Variants in PRKDC observed in about 807,000 individuals in gnomAD.
PRKDC encodes DNA-dependent protein kinase catalytic subunit.
Under a neutral mutation model 486.9 loss-of-function variants are expected in PRKDC, and 82 were observed. The ratio of observed to expected loss-of-function variants is 0.17; its 90% CI spans 0.14 to 0.20. The LOEUF (loss-of-function observed/expected upper bound fraction) is 0.20. Ranked by LOEUF, PRKDC falls within the 10% of genes least tolerant of loss-of-function variation. PRKDC has a pLI of 1.00. For synonymous variants in PRKDC, 1,895 were observed against 1,837.0 expected (o/e 1.03, Z -0.81); for missense variants, 4,504 against 5,038.2 (o/e 0.89, Z 3.21).
rs376815989 is a variant in PRKDC at position 47,956,310 on chromosome 8, C to T, written c.325-362G>A. On this transcript the variant is annotated intron_variant, in intron 3 of 85. Coordinates refer to ENST00000314191, the MANE Select transcript of PRKDC (RefSeq NM_006904.7). ...CCGGGAGACGGAGGTTGCAGTGAGCCAAGACTGTGCCACTGCACTCCAGCC... is the reference window on the plus strand; with the variant it reads ...CCGGGAGACGGAGGTTGCAGTGAGCTAAGACTGTGCCACTGCACTCCAGCC... 9.9e-5 allele frequency among the ~76,000 whole-genome samples: 15 copies of T among 152,168 alleles called. 1 individual carries two copies. Among genetic ancestry groups the T allele is most frequent in the African/African-American group, 3.6e-4 (15 of 41,506 alleles).
At chr8:47,959,678 CA>C (rs999049740) in intron 1 of PRKDC, among the ~76,000 whole-genome samples, 312 of 135,004 alleles carry the variant, frequency 2.3e-3, no homozygotes, top group East Asian at 0.013. Context: ...GACTCCGTCT[CA>C]AAAAAAAAAA....
intron 25 of PRKDC, among the ~76,000 whole-genome samples, chr8:47,909,886 G>A (rs2089864028): frequency 6.6e-6 from 1 of 152,130 alleles, no homozygotes; most frequent in South Asian, 2.1e-4. Context: ...CCTGTTTCCT[G>A]TTAAGATGTT....
chr8:47,952,785 C>A (rs1004107006), intron 7 of PRKDC, among the ~76,000 whole-genome samples: 3 of 152,082 alleles, frequency 2.0e-5, no homozygotes, highest in African/African-American at 7.2e-5. Flanking sequence ...AGGCGGATCA[C>A]CAGAGCCCAT....
At position 47,875,901 on chromosome 8, in the gene PRKDC, T is replaced by C. The variant is rs1288525325; in HGVS notation, c.5363+1823A>G. 2.0e-5 allele frequency among the ~76,000 whole-genome samples: 3 copies of C among 152,338 alleles called. No individual in the cohort carries two copies. The East Asian group carries it at 5.8e-4, about 29-fold the overall frequency. On this transcript the variant is annotated intron_variant, in intron 40 of 85. Transcript: ENST00000314191. Reference sequence around the variant, plus strand: ...TGCTGCCGTGCAGAATTCTGTTTTATAGTTGGTTAATTATGATATTTTTAA... The same window carrying C: ...TGCTGCCGTGCAGAATTCTGTTTTACAGTTGGTTAATTATGATATTTTTAA...
chr8:47,900,677 G>A (rs1034785219), intron 27 of PRKDC, among the ~76,000 whole-genome samples: 3 of 151,806 alleles, frequency 2.0e-5, no homozygotes, highest in East Asian at 1.9e-4. Context: ...GTGAAACCCC[G>A]TCTCTACTAA....
Position 47,935,894 on chromosome 8 carries a change from C to T in PRKDC, c.1285G>A (p.Glu429Lys), listed in dbSNP as rs1226872568. The change falls in exon 13 of 86, where the codon GAG becomes AAG. Residue 429 changes from glutamate to lysine, a missense_variant. Transcript: ENST00000314191. Reference protein sequence around the residue: ...SVLLYLDTVPEVYTPVLEHLV... With the variant: ...SVLLYLDTVPKVYTPVLEHLV... ...TGCTCCAGAACTGGAGTATACACCTCAGGAACCTACCGGAAATAATCAGCA... is the reference window on the plus strand; with the variant it reads ...TGCTCCAGAACTGGAGTATACACCTTAGGAACCTACCGGAAATAATCAGCA... The T allele has an allele frequency of 6.2e-7, 1 of 1,611,764 alleles. No homozygotes were observed. The highest frequency in any genetic ancestry group is 1.7e-5 in the Admixed American group (1 of 59,708).
At chr8:47,828,102 T>A (rs2087777612) in intron 62 of PRKDC, 66 bp downstream of exon 62, 6 of 1,459,202 alleles carry the variant, frequency 4.1e-6, no homozygotes, top group Non-Finnish European at 5.7e-6. Context: ...AACATAGTGA[T>A]GATGGAAAGG....
chr8:47,789,073 G>T, intron 75 of PRKDC, 24 bp from the exon 76 acceptor site: 1 of 1,611,030 alleles, frequency 6.2e-7, no homozygotes, highest in African/African-American at 1.3e-5. Context: ...AAAAAAGTAA[G>T]AAAAAAATCA....
At chr8:47,944,484 T>TAAAAAAAAAAAAA (rs75220935) in intron 7 of PRKDC, among the ~76,000 whole-genome samples, 10 of 98,936 alleles carry the variant, frequency 1.0e-4, no homozygotes, top group East Asian at 2.8e-4. Flanking sequence ...AGAAAAAAAT[T>TAAAAAAAAAAAAA]AAAAAAAAAA....
intron 54 of PRKDC, among the ~76,000 whole-genome samples, chr8:47,847,864 G>T (rs1488849560): frequency 7.0e-6 from 1 of 143,694 alleles, no homozygotes; most frequent in Non-Finnish European, 1.5e-5. Context: ...AGACATAAAA[G>T]CGGCCAACAA....
chr8:47,905,030 G>T, intron 25 of PRKDC, 54 bp from the exon 26 acceptor site: 1 of 1,279,322 alleles, frequency 7.8e-7, no homozygotes, highest in Non-Finnish European at 1.1e-6. Flanking sequence ...GAAATGTTAC[G>T]CTGTAAAGGG....
intron 20 of PRKDC, 51 bp from the exon 21 acceptor site, chr8:47,927,404 T>A: frequency 1.3e-6 from 2 of 1,543,548 alleles, no homozygotes; most frequent in Admixed American, 2.2e-5. Flanking sequence ...ATATAAGATT[T>A]AGAGGAAAAA....
chr8:47,908,061 T>C (rs1326687115), intron 25 of PRKDC, among the ~76,000 whole-genome samples: 1 of 152,212 alleles, frequency 6.6e-6, no homozygotes, highest in East Asian at 1.9e-4. Flanking sequence ...AGCAGCTCTC[T>C]TGTAAGGAAG....
At chr8:47,899,049 T>C (rs2089634179) in intron 28 of PRKDC, among the ~76,000 whole-genome samples, 1 of 152,256 alleles carries the variant, frequency 6.6e-6, no homozygotes, top group South Asian at 2.1e-4. Flanking sequence ...TAATACAGCC[T>C]CTGGAGAAGT....
intron 67 of PRKDC, 97 bp from the exon 68 acceptor site, chr8:47,817,658 C>A (rs1017933752): frequency 4.1e-6 from 3 of 733,122 alleles, no homozygotes; most frequent in Admixed American, 2.9e-5. Context: ...AAACTTCCTG[C>A]CCAAATTACA....
chr8:47,778,221 T>G (rs1184274118), intron 83 of PRKDC, among the ~76,000 whole-genome samples: 1 of 152,196 alleles, frequency 6.6e-6, no homozygotes, highest in East Asian at 1.9e-4. Flanking sequence ...AGTCTTCCTT[T>G]GATCTGCGAA....
chr8:47,959,952 C>T, intron 1 of PRKDC, 21 bp downstream of exon 1: 2 of 1,533,306 alleles, frequency 1.3e-6, no homozygotes, highest in East Asian at 2.5e-5. Context: ...CACCCGCGGC[C>T]CAGCTCGGGC....
rs1589748552 is a variant in PRKDC at position 47,859,848 on chromosome 8, A to T, written c.6059-89T>A. 3.8e-5 allele frequency: 50 copies of T among 1,315,166 alleles called. No homozygotes were observed. In the East Asian group the frequency reaches 1.3e-3, roughly 33 times the overall value. 81.5% of individuals were successfully genotyped at this position (1,315,166 alleles called of 1,614,324 possible). A position where few individuals can be genotyped will look rare whatever the true frequency, so the allele number is the denominator to read the frequency against. On this transcript the variant is annotated intron_variant, in intron 45 of 85. Transcript: ENST00000314191. ...CTAAATTCAAATGATATGAAAATTA[A>T]AGCACATTTTAATCTAAGGTTTTCA...
At chr8:47,859,577 G>T in intron 46 of PRKDC, 34 bp downstream of exon 46, 1 of 1,597,704 alleles carries the variant, frequency 6.3e-7, no homozygotes, top group South Asian at 1.1e-5. Flanking sequence ...CACAAACATC[G>T]ACAATATTCT....
Sources: allele counts gnomAD v4.1 joint callset (sites outside exome capture counted in the v4.1 genomes callset), GRCh38; gene constraint gnomAD v4.1.1; transcripts MANE v1.5; gene names NCBI Gene and HGNC (gene_info 2026-07-23, HGNC 2026-07-21).